Variants in PHACTR4 observed in about 807,000 individuals in gnomAD.
PHACTR4 encodes the protein phosphatase and actin regulator 4.
In PHACTR4, 51 loss-of-function variants were observed where a neutral mutation model predicts 72.7. The ratio of observed to expected loss-of-function variants is 0.70; its 90% CI spans 0.56 to 0.89. The LOEUF is 0.89. PHACTR4 is among the 40% of genes least tolerant of loss of function. The probability of loss-of-function intolerance (pLI) is 0.00; values close to 1 mark genes in which losing one functional copy is unlikely to be tolerated. For synonymous variants in PHACTR4, 255 were observed against 302.5 expected, an observed-to-expected ratio of 0.84 and a Z score of 1.63; for missense variants, 731 against 861.8, an observed-to-expected ratio of 0.85 and a Z score of 1.90.
chr1:28,476,385 G>C, intron 8 of PHACTR4, 94 bp downstream of exon 8: 3 of 1,289,382 alleles, frequency 2.3e-6, no homozygotes, highest in Non-Finnish European at 3.1e-6. Context: ...ATGGAAACAG[G>C]TACCTTCTCC....
rs1570132687 is a variant in PHACTR4, at chr1:28,496,708, C to T, written c.*159C>T. On this transcript the variant is annotated 3_prime_UTR_variant, in exon 14 of 14. Coordinates refer to ENST00000373839, the MANE Select transcript of PHACTR4 (RefSeq NM_001048183.3). ...CTTTGAATGTAGCATTTCACTGGAA[C>T]AGAGTCTTATGTGCTGCACCGGGGG... 1 of 835,740 alleles carries T rather than the reference C, an allele frequency of 1.2e-6. No homozygotes were observed. The highest frequency in any genetic ancestry group is 2.0e-6 in the Non-Finnish European group (1 of 503,856). The allele number at this position is 835,740 out of a possible 1,614,324, so 51.8% of individuals were successfully genotyped here. A position where few individuals can be genotyped will look rare whatever the true frequency, so the allele number is the denominator to read the frequency against.
intron 4 of PHACTR4, among the ~76,000 whole-genome samples, chr1:28,460,509 C>T (rs895498451): frequency 6.7e-6 from 1 of 149,394 alleles, no homozygotes; most frequent in Admixed American, 6.6e-5. Context: ...TATTGCGTGT[C>T]TTTTTTTTCC....
At chr1:28,460,922 G>A (rs1329034879) in intron 4 of PHACTR4, among the ~76,000 whole-genome samples, 1 of 152,046 alleles carries the variant, frequency 6.6e-6, no homozygotes, top group Non-Finnish European at 1.5e-5. Flanking sequence ...GGGATTACAG[G>A]CTTGAGCCAC....
intron 1 of PHACTR4, among the ~76,000 whole-genome samples, chr1:28,371,834 C>T (rs1466225054): frequency 6.6e-6 from 1 of 152,024 alleles, no homozygotes. Flanking sequence ...GACTCCTGGG[C>T]TCAAGTGATC....
chr1:28,482,807 G>T (rs1660360756), intron 9 of PHACTR4, among the ~76,000 whole-genome samples: 1 of 151,940 alleles, frequency 6.6e-6, no homozygotes, highest in African/African-American at 2.4e-5. Context: ...GGGCATGGTG[G>T]CACATACCTC....
intron 6 of PHACTR4, 113 bp downstream of exon 6, chr1:28,466,881 G>A (rs1659215532): frequency 7.0e-7 from 1 of 1,438,616 alleles, no homozygotes; most frequent in Non-Finnish European, 9.4e-7. Flanking sequence ...TCCATATCTT[G>A]TCCCTTTGAA....
intron 1 of PHACTR4, among the ~76,000 whole-genome samples, chr1:28,377,900 C>G (rs370359625): frequency 9.2e-5 from 14 of 151,466 alleles, no homozygotes; most frequent in African/African-American, 3.4e-4. Context: ...TATTTATGTA[C>G]TTGTTAAAAA....
At chr1:28,473,446 A>G in intron 6 of PHACTR4, 108 bp from the exon 7 acceptor site, 1 of 820,174 alleles carries the variant, frequency 1.2e-6, no homozygotes, top group South Asian at 1.8e-5. Flanking sequence ...AAATTATTTA[A>G]CTTGCTTAAA....
At position 28,469,253 on chromosome 1, in the gene PHACTR4, GA is replaced by G. The variant is rs1299886734; in HGVS notation, c.823+2493del. On this transcript the variant is annotated intron_variant, in intron 6 of 13. Coordinates refer to ENST00000373839, the MANE Select transcript of PHACTR4 (RefSeq NM_001048183.3). ...AAATGACAACCTCAAAAAAACACTAGAAAAAAAACCAACAATCTGAGGTTGA... is the reference window on the plus strand; with the variant it reads ...AAATGACAACCTCAAAAAAACACTAGAAAAAAACCAACAATCTGAGGTTGA... Among the ~76,000 whole-genome samples the G allele has an allele frequency of 7.9e-5, 12 of 151,824 alleles. No individual in the cohort carries two copies. The East Asian group carries it at 1.9e-3, about 24-fold the overall frequency.
rs1475041174 is a variant in PHACTR4 at position 28,465,754 on chromosome 1, C to G, written c.341C>G (p.Ala114Gly). 15 of 1,613,886 alleles carry G rather than the reference C, an allele frequency of 9.3e-6. No individual in the cohort carries two copies. Among genetic ancestry groups the G allele is most frequent in the Non-Finnish European group, 1.3e-5 (15 of 1,179,950 alleles). Residue 114 changes from alanine (A) to glycine (G), a missense_variant, in exon 5 of 14, where the codon GCC becomes GGC. Ala to Gly is a moderately conservative substitution (Grantham distance 60, BLOSUM62 0). This residue lies in a region of PHACTR4 where 621 missense variants were observed against 676.6 expected (regional missense o/e 0.92). Transcript: ENST00000373839. ...KNGHTTPIGN[A>G]RSSSPVQVEE... The stretch of plus-strand genomic sequence containing the variant: ...GGCCATACCACCCCCATAGGGAATG[C>G]CAGATCATCTAGTCCAGTCCAAGTA...
chr1:28,406,725 A>G (rs1654352681), intron 1 of PHACTR4, among the ~76,000 whole-genome samples: 2 of 152,228 alleles, frequency 1.3e-5, no homozygotes, highest in African/African-American at 4.8e-5. Context: ...CAGGAGGAGT[A>G]GGAAGCTGGG....
At chr1:28,435,962 T>A (rs1164614563) in intron 2 of PHACTR4, among the ~76,000 whole-genome samples, 1 of 152,234 alleles carries the variant, frequency 6.6e-6, no homozygotes, top group Non-Finnish European at 1.5e-5. Flanking sequence ...CCTGTTTTAA[T>A]GGTCAACATC....
At chr1:28,407,579 T>A in intron 2 of PHACTR4, 116 bp downstream of exon 2, 1 of 768,596 alleles carries the variant, frequency 1.3e-6, no homozygotes. Flanking sequence ...CTCTCTAGAA[T>A]AATGGGTCTC....
At chr1:28,424,517 G>T (rs1655710060) in intron 2 of PHACTR4, among the ~76,000 whole-genome samples, 1 of 150,616 alleles carries the variant, frequency 6.6e-6, no homozygotes, top group Non-Finnish European at 1.5e-5. Flanking sequence ...TTTAGTCAGA[G>T]TCTCTCTGCC....
chr1:28,479,949 C>T (rs1236353664), intron 8 of PHACTR4, among the ~76,000 whole-genome samples: 1 of 152,140 alleles, frequency 6.6e-6, no homozygotes, highest in Non-Finnish European at 1.5e-5. Context: ...GGAAAGGTGG[C>T]ACATGGGCTA....
intron 6 of PHACTR4, among the ~76,000 whole-genome samples, chr1:28,471,664 C>T (rs1659569038): frequency 6.6e-6 from 1 of 152,072 alleles, no homozygotes; most frequent in Non-Finnish European, 1.5e-5. Context: ...ACAACACCAA[C>T]ACCTTTGCTG....
intron 2 of PHACTR4, among the ~76,000 whole-genome samples, chr1:28,442,608 G>A (rs1657123421): frequency 6.6e-6 from 1 of 151,982 alleles, no homozygotes; most frequent in Admixed American, 6.6e-5. Context: ...CCAGGTTCAA[G>A]TGATTCTCCT....
intron 1 of PHACTR4, among the ~76,000 whole-genome samples, chr1:28,396,076 ATTAAG>A (rs149148707): frequency 0.092 from 13,833 of 151,164 alleles, 1,409 homozygotes; most frequent in African/African-American, 0.26. Flanking sequence ...GCAAAAACAA[ATTAAG>A]TTCTTTATTA....
At chr1:28,380,642 G>T (rs1652094738) in intron 1 of PHACTR4, among the ~76,000 whole-genome samples, 2 of 152,112 alleles carry the variant, frequency 1.3e-5, no homozygotes, top group Admixed American at 1.3e-4. Context: ...ATGGCCTCCA[G>T]CTCCACCCAT....
Sources: gnomAD v4.1 joint callset for allele counts (sites outside exome capture counted in the v4.1 genomes callset) on GRCh38, gnomAD v4.1.1 for gene constraint, gnomAD v4.1.1 regional missense constraint, MANE v1.5 for transcripts, NCBI Gene and HGNC (gene_info 2026-07-23, HGNC 2026-07-21) for gene names.